Variants in TNRC18 observed in about 807,000 individuals in gnomAD.
The protein encoded by TNRC18 is trinucleotide repeat-containing gene 18 protein.
TNRC18 carries 69 observed loss-of-function variants against 226.7 expected under a neutral mutation model. The ratio of observed to expected loss-of-function variants is 0.30; its 90% CI spans 0.25 to 0.37. TNRC18 has a LOEUF of 0.37. TNRC18 is among the 10% of genes least tolerant of loss of function. TNRC18 has a pLI of 1.00. For synonymous variants in TNRC18, 2,449 were observed against 1,927.6 expected (o/e 1.27, Z -7.09); for missense variants, 4,754 against 4,256.6 (o/e 1.12, Z -3.25).
Position 5,351,848 on chromosome 7 carries a change from C to A in TNRC18, c.5441G>T (p.Ser1814Ile), listed in dbSNP as rs138622868. ...LREAEARSSF[S>I]DSSEESFDQD... ...GTCAAACGATTCCTCCGAAGAGTCG[C>A]TGAAGGAGGAACGCGCCTCGGCCTC... The change falls in exon 17 of 30, where the codon AGC becomes ATC. Residue 1814 changes from serine to isoleucine, a missense_variant. Transcript: ENST00000430969. 6.2e-7 allele frequency: 1 copy of A among 1,605,502 alleles called. No individual in the cohort carries two copies. Among genetic ancestry groups the A allele is most frequent in the African/African-American group, 1.3e-5 (1 of 74,420 alleles).
intron 2 of TNRC18, among the ~76,000 whole-genome samples, chr7:5,400,128 C>T (rs1464653371): frequency 6.6e-6 from 1 of 152,080 alleles, no homozygotes; most frequent in Non-Finnish European, 1.5e-5. Flanking sequence ...AATTCCTGGG[C>T]TCAAGCGATC....
intron 18 of TNRC18, among the ~76,000 whole-genome samples, 167 bp downstream of exon 18, chr7:5,345,395 T>G (rs1016701622): frequency 2.0e-5 from 3 of 152,196 alleles, no homozygotes; most frequent in Non-Finnish European, 4.4e-5. Context: ...AGGGCCCCTG[T>G]CGCGAGCATC....
Position 5,313,605 on chromosome 7 carries a change from G to T in TNRC18, c.7286C>A (p.Thr2429Asn). 1.1e-5 allele frequency: 17 copies of T among 1,603,262 alleles called. No individual in the cohort carries two copies. Among genetic ancestry groups the T allele is most frequent in the Non-Finnish European group, 1.4e-5 (17 of 1,175,884 alleles). ...GGGCTTGGGGCGTGTGGCAGGCATG[G>T]TGATGAGGGGTGCTGGGGCCAGGGA... Reference protein sequence around the residue: ...ATSLAPAPLITMPATRPKPKK... With the variant: ...ATSLAPAPLINMPATRPKPKK... Residue 2429 changes from threonine (T) to asparagine (N), a missense_variant, in exon 27 of 30, where the codon ACC becomes AAC. By Grantham distance (65) the Thr-to-Asn change is moderately conservative (BLOSUM62 0). Coordinates refer to ENST00000430969, the MANE Select transcript of TNRC18 (RefSeq NM_001080495.3).
Position 5,361,998 on chromosome 7 carries a change from G to A in TNRC18, c.4431C>T (p.Asp1477=), listed in dbSNP as rs371849897. Residue 1477 remains aspartate (D), a synonymous_variant, in exon 13 of 30, where the codon GAC becomes GAT. Transcript: ENST00000430969. ...GCATCCGGAAGTCCAGCTCCAGGGC[G>A]TCCATGTCCTCCAGGGAGGACTTCA... ...YAMKSSLEDM[D]ALELDFRMRL... The A allele has an allele frequency of 5.1e-5, 83 of 1,613,424 alleles. No homozygotes were observed. The highest frequency in any genetic ancestry group is 3.3e-4 in the Middle Eastern group (2 of 6,066).
At chr7:5,369,039 T>A (rs115384192) in intron 11 of TNRC18, among the ~76,000 whole-genome samples, 2,901 of 152,202 alleles carry the variant, frequency 0.019, 102 homozygotes, top group African/African-American at 0.066. Flanking sequence ...AGAACTCAGT[T>A]TGATGCCCGC....
chr7:5,340,927 T>C (rs1294465426), intron 18 of TNRC18, among the ~76,000 whole-genome samples: 1 of 152,160 alleles, frequency 6.6e-6, no homozygotes, highest in East Asian at 1.9e-4. Context: ...TCTAAGAAGA[T>C]GCCATCTAAG....
chr7:5,405,132 G>A (rs1170155717), intron 2 of TNRC18, among the ~76,000 whole-genome samples: 1 of 148,996 alleles, frequency 6.7e-6, no homozygotes, highest in East Asian at 2.0e-4. Context: ...AAAAAAAGAA[G>A]TATACAGAAA....
chr7:5,343,545 C>T (rs1790878800), intron 18 of TNRC18, among the ~76,000 whole-genome samples: 1 of 152,122 alleles, frequency 6.6e-6, no homozygotes, highest in African/African-American at 2.4e-5. Flanking sequence ...ACATCAGCCT[C>T]CCAAGTAGCT....
chr7:5,318,271 A>AGGCTGT lies in TNRC18; in HGVS notation c.6745+2046_6745+2047insACAGCC, dbSNP rs1437688983. Among the ~76,000 whole-genome samples the AGGCTGT allele has an allele frequency of 2.6e-5, 4 of 152,330 alleles. No homozygotes were observed. The East Asian group carries it at 7.7e-4, about 29-fold the overall frequency. ...TGGGTTCAAGTGATCTACCCGCATC[A>AGGCTGT]GGCTCCCAAATTGCTGGGACTACAG... On this transcript the variant is annotated intron_variant, in intron 24 of 29. Transcript: ENST00000430969.
chr7:5,413,067 C>A (rs915450778), intron 2 of TNRC18, among the ~76,000 whole-genome samples: 1 of 152,226 alleles, frequency 6.6e-6, no homozygotes, highest in Non-Finnish European at 1.5e-5. Flanking sequence ...CTAACCAGGG[C>A]TCCCAGCAGG....
chr7:5,402,730 T>C (rs1442154367), intron 2 of TNRC18, among the ~76,000 whole-genome samples: 1 of 151,882 alleles, frequency 6.6e-6, no homozygotes, highest in African/African-American at 2.4e-5. Context: ...GGTGGACGCC[T>C]ATAATCCCAG....
intron 3 of TNRC18, 21 bp from the exon 4 acceptor site, chr7:5,390,649 G>C: frequency 2.0e-6 from 3 of 1,511,410 alleles, no homozygotes; most frequent in Non-Finnish European, 2.7e-6. Context: ...AAAGAGAAAA[G>C]CTGGGCTGGG....
In TNRC18 at chr7:5,371,151, G is replaced by A. The variant is rs368075110; in HGVS notation, c.3443C>T (p.Pro1148Leu). ...CCGCTCAGCCAGCGGTTCTTCCTCC[G>A]GGCCCTCCCGCAGCGGCTCTGTGAT... ...SKITEPLREG[P>L]EEEPLAEREV... Residue 1148 changes from proline to leucine, a missense_variant, in exon 11 of 30, where the codon CCG (proline) becomes CTG (leucine). Pro to Leu is a moderately conservative substitution (Grantham distance 98). Coordinates refer to ENST00000430969, the MANE Select transcript of TNRC18 (RefSeq NM_001080495.3). 6.3e-5 allele frequency: 102 copies of A among 1,609,316 alleles called. No homozygotes were observed. Among genetic ancestry groups the A allele is most frequent in the East Asian group, 8.9e-5 (4 of 44,750 alleles).
At chr7:5,331,090 G>C (rs975258044) in intron 19 of TNRC18, among the ~76,000 whole-genome samples, 16 of 152,202 alleles carry the variant, frequency 1.1e-4, no homozygotes, top group African/African-American at 3.9e-4. Flanking sequence ...CCTATGGATG[G>C]TGCTTACACT....
At chr7:5,352,194 C>T (rs1259499959) in intron 16 of TNRC18, 100 bp from the exon 17 acceptor site, 2 of 1,278,016 alleles carry the variant, frequency 1.6e-6, no homozygotes, top group Non-Finnish European at 2.1e-6. Context: ...CTGGAAGGTG[C>T]CAGAACAAAC....
chr7:5,388,839 G>T lies in TNRC18; in HGVS notation c.985C>A (p.Arg329Ser). 8.2e-7 allele frequency: 1 copy of T among 1,216,120 alleles called. No homozygotes were observed. The highest frequency in any genetic ancestry group is 1.0e-6 in the Non-Finnish European group (1 of 974,762). The allele number at this position is 1,216,120 out of a possible 1,614,324, so 75.3% of individuals were successfully genotyped here. A position where few individuals can be genotyped will look rare whatever the true frequency, so the allele number is the denominator to read the frequency against. ...RRTETLLPGPRPCPSPLPPPP... is the reference protein window; with the variant it reads ...RRTETLLPGPSPCPSPLPPPP... ...GGGGGCAGCGGTGAGGGGCAGGGGC[G>T]CGGCCCAGGGAGCAGGGTCTCCGTG... Residue 329 changes from arginine (R) to serine (S), a missense_variant, in exon 5 of 30, where the codon CGC becomes AGC. Physicochemically the swap from Arg to Ser is moderately radical, Grantham distance 110. Transcript: ENST00000430969.
At position 5,370,859 on chromosome 7, in the gene TNRC18, C is replaced by T; in HGVS notation, c.3735G>A (p.Leu1245=). 1 of 1,608,828 alleles carries T rather than the reference C, an allele frequency of 6.2e-7. No homozygotes were observed. The highest frequency in any genetic ancestry group is 8.5e-7 in the Non-Finnish European group (1 of 1,179,692). Residue 1245 remains leucine (L), a synonymous_variant, in exon 11 of 30, where the codon CTG becomes CTA. Coordinates refer to ENST00000430969, the MANE Select transcript of TNRC18 (RefSeq NM_001080495.3). The part of the protein sequence containing the change: ...RTEPCTAALD[L]GVQLTPETLV... ...GTGTCTCGGGTGTCAGCTGCACCCCCAGGTCCAGGGCGGCGGTGCAGGGTT... is the reference window on the plus strand; with the variant it reads ...GTGTCTCGGGTGTCAGCTGCACCCCTAGGTCCAGGGCGGCGGTGCAGGGTT...
intron 5 of TNRC18, among the ~76,000 whole-genome samples, chr7:5,385,088 G>A (rs73057705): frequency 6.6e-5 from 10 of 152,324 alleles, no homozygotes; most frequent in Admixed American, 2.0e-4. Flanking sequence ...AAGGCACAGA[G>A]GATGGGGAGA....
At chr7:5,361,437 A>G (rs1793036028) in intron 14 of TNRC18, among the ~76,000 whole-genome samples, 157 bp downstream of exon 14, 1 of 152,150 alleles carries the variant, frequency 6.6e-6, no homozygotes, top group Non-Finnish European at 1.5e-5. Context: ...TGGCCCGGGC[A>G]GCACAGGCCG....
Sources: allele counts gnomAD v4.1 joint callset (sites outside exome capture counted in the v4.1 genomes callset), GRCh38; gene constraint gnomAD v4.1.1; transcripts MANE v1.5; gene names NCBI Gene and HGNC (gene_info 2026-07-23, HGNC 2026-07-21).